TMCC1: variants seen among roughly 807,000 people sequenced by gnomAD.
TMCC1 encodes the protein transmembrane and coiled-coil domains protein 1.
In TMCC1, 15 loss-of-function variants were observed where a neutral mutation model predicts 52.4. The observed-to-expected ratio is 0.29, with a 90% CI of 0.19 to 0.44. The LOEUF (loss-of-function observed/expected upper bound fraction) is 0.44, where lower values mean the gene tolerates loss of function less well. Among genes scored for constraint, TMCC1 ranks in the 20% least tolerant of loss-of-function variants. The pLI, the probability that TMCC1 is intolerant of heterozygous loss-of-function variation, is 1.00. For missense variants in TMCC1, 503 were observed against 806.0 expected (o/e 0.62, Z 4.55); for synonymous variants, 279 against 301.9 (o/e 0.92, Z 0.79).
Position 129,828,654 on chromosome 3 carries a change from TTA to T in TMCC1, c.-130-148_-130-147del, listed in dbSNP as rs1417787428. On this transcript the variant is annotated intron_variant, in intron 3 of 6. Coordinates refer to ENST00000393238, the MANE Select transcript of TMCC1 (RefSeq NM_001017395.5). The surrounding 1 kb of genome is among the most constrained non-coding windows in gnomAD (Gnocchi z 4.1). The stretch of plus-strand genomic sequence containing the variant: ...CATTAAGCAATCTTTAATCAGAAGA[TTA>T]AAAGACAGTTTTCTAGATAGTGGGT... 5 of 358,002 alleles carry T rather than the reference TTA, an allele frequency of 1.4e-5. No individual in the cohort carries two copies. Among genetic ancestry groups the T allele is most frequent in the Non-Finnish European group, 2.5e-5 (5 of 199,468 alleles). 22.2% of individuals were successfully genotyped at this position (358,002 alleles called of 1,614,324 possible).
chr3:129,848,865 T>C (rs929487245), intron 2 of TMCC1, among the ~76,000 whole-genome samples: 2 of 151,494 alleles, frequency 1.3e-5, no homozygotes, highest in Non-Finnish European at 2.9e-5. Context: ...CCTGACTTCC[T>C]ACATCATTGA....
intron 4 of TMCC1, among the ~76,000 whole-genome samples, chr3:129,734,606 C>T (rs555304447): frequency 6.6e-6 from 1 of 152,084 alleles, no homozygotes; most frequent in African/African-American, 2.4e-5. Context: ...TTGCTTGAGC[C>T]CAGAAGGCAG....
intron 2 of TMCC1, among the ~76,000 whole-genome samples, chr3:129,866,380 T>TA (rs1560579236): frequency 1.2e-4 from 15 of 124,234 alleles, no homozygotes; most frequent in African/African-American, 4.7e-4. Context: ...ATATATATGT[T>TA]TTTTTTTTTT....
intron 4 of TMCC1, among the ~76,000 whole-genome samples, chr3:129,702,585 G>A (rs573585386): frequency 8.5e-5 from 13 of 152,152 alleles, no homozygotes; most frequent in African/African-American, 2.9e-4. Context: ...AATGTCAGAG[G>A]TACATAAACC....
chr3:129,754,410 C>A (rs1383818318), intron 4 of TMCC1, among the ~76,000 whole-genome samples: 5 of 152,162 alleles, frequency 3.3e-5, no homozygotes, highest in Admixed American at 3.3e-4. Flanking sequence ...TTAGAATAGA[C>A]AAACCATTCT....
chr3:129,771,090 T>C (rs961795537), intron 4 of TMCC1, among the ~76,000 whole-genome samples: 1 of 152,204 alleles, frequency 6.6e-6, no homozygotes, highest in African/African-American at 2.4e-5. Context: ...TCCTTATTTC[T>C]AATGGTCCCC....
At chr3:129,823,235 A>G (rs2058503241) in intron 4 of TMCC1, among the ~76,000 whole-genome samples, 1 of 152,114 alleles carries the variant, frequency 6.6e-6, no homozygotes, top group Non-Finnish European at 1.5e-5. Flanking sequence ...CTGAGGCAGG[A>G]GAATCGCTTG....
chr3:129,862,179 T>C (rs1473132895), intron 2 of TMCC1, among the ~76,000 whole-genome samples: 3 of 152,080 alleles, frequency 2.0e-5, no homozygotes, highest in Non-Finnish European at 2.9e-5. Flanking sequence ...GAAAAGAACA[T>C]AGATTAGAAG....
At chr3:129,680,346 T>C (rs980319820) in intron 4 of TMCC1, among the ~76,000 whole-genome samples, 1 of 152,200 alleles carries the variant, frequency 6.6e-6, no homozygotes, top group African/African-American at 2.4e-5. Flanking sequence ...TCTAAATGCT[T>C]TGCTTATATT....
chr3:129,759,670 G>A (rs1443751212), intron 4 of TMCC1, among the ~76,000 whole-genome samples: 1 of 131,070 alleles, frequency 7.6e-6, no homozygotes, highest in Non-Finnish European at 1.6e-5. Context: ...GCCTCCCAAA[G>A]CCCCCCGTCT....
intron 4 of TMCC1, among the ~76,000 whole-genome samples, chr3:129,811,731 G>C (rs1287761829): frequency 6.7e-6 from 1 of 149,306 alleles, no homozygotes. Context: ...ATCACCTGAG[G>C]TCAGGGGTTC....
At chr3:129,879,505 CTG>C (rs1361304629) in intron 2 of TMCC1, among the ~76,000 whole-genome samples, 9 of 152,146 alleles carry the variant, frequency 5.9e-5, no homozygotes, top group African/African-American at 1.7e-4. Flanking sequence ...ATACCTATAA[CTG>C]TCTACAACGC....
At chr3:129,851,663 T>G (rs1413340565) in intron 2 of TMCC1, among the ~76,000 whole-genome samples, 1 of 152,180 alleles carries the variant, frequency 6.6e-6, no homozygotes, top group African/African-American at 2.4e-5. Context: ...ACAGCCACTG[T>G]GGAAAACAGT....
At chr3:129,675,541 T>C (rs1377524172) in intron 4 of TMCC1, among the ~76,000 whole-genome samples, 3 of 152,196 alleles carry the variant, frequency 2.0e-5, no homozygotes, top group African/African-American at 7.2e-5. Flanking sequence ...GTGGTTCTTT[T>C]AAAAAATTTA....
intron 4 of TMCC1, among the ~76,000 whole-genome samples, chr3:129,725,726 AT>A (rs1266389852): frequency 1.3e-5 from 2 of 151,958 alleles, no homozygotes; most frequent in Non-Finnish European, 2.9e-5. Context: ...GGAAATTTTG[AT>A]TCCCTAGTTT....
chr3:129,730,132 T>C (rs1187980314), intron 4 of TMCC1, among the ~76,000 whole-genome samples: 3 of 152,132 alleles, frequency 2.0e-5, no homozygotes, highest in South Asian at 2.1e-4. Context: ...AATTGTTAAG[T>C]TGAACCATTT....
At chr3:129,890,249 C>T (rs2061903989) in intron 1 of TMCC1, among the ~76,000 whole-genome samples, 1 of 152,174 alleles carries the variant, frequency 6.6e-6, no homozygotes, top group Non-Finnish European at 1.5e-5. Flanking sequence ...ACACCTATAC[C>T]CATTTAACTT....
intron 1 of TMCC1, among the ~76,000 whole-genome samples, chr3:129,891,643 C>T (rs775168071): frequency 3.9e-5 from 6 of 152,146 alleles, no homozygotes; most frequent in Admixed American, 1.3e-4. Context: ...TTGTATATTC[C>T]TCATTCCCAT....
At chr3:129,734,380 A>G (rs2050775061) in intron 4 of TMCC1, among the ~76,000 whole-genome samples, 1 of 152,232 alleles carries the variant, frequency 6.6e-6, no homozygotes, top group East Asian at 1.9e-4. Flanking sequence ...TGTAAAACAA[A>G]ACTATATGTT....
Sources: gnomAD v4.1 joint callset for allele counts (sites outside exome capture counted in the v4.1 genomes callset) on GRCh38, gnomAD v4.1.1 for gene constraint, Gnocchi (gnomAD v3.1) non-coding constraint, MANE v1.5 for transcripts, NCBI Gene and HGNC (gene_info 2026-07-23, HGNC 2026-07-21) for gene names.